RNGTT: variants seen among roughly 807,000 people sequenced by gnomAD.
RNGTT encodes the protein mRNA-capping enzyme.
In RNGTT, 33 loss-of-function variants were observed where a neutral mutation model predicts 79.3. The observed-to-expected ratio is 0.42, with a 90% CI of 0.32 to 0.56. The LOEUF (loss-of-function observed/expected upper bound fraction) is 0.56, where lower values mean the gene tolerates loss of function less well. Among genes scored for constraint, RNGTT ranks in the 20% least tolerant of loss-of-function variants. The pLI is 0.17. For missense variants in RNGTT, 497 were observed against 739.1 expected (o/e 0.67, Z 3.80); for synonymous variants, 222 against 235.9 (o/e 0.94, Z 0.54).
At chr6:88,661,855 C>T (rs1026628316) in intron 14 of RNGTT, among the ~76,000 whole-genome samples, 6 of 152,098 alleles carry the variant, frequency 3.9e-5, no homozygotes, top group Middle Eastern at 3.2e-3. Context: ...CAGGGAAGGA[C>T]ATAACAAAAA....
chr6:88,616,256 A>G (rs533549069), intron 14 of RNGTT, among the ~76,000 whole-genome samples: 1 of 152,326 alleles, frequency 6.6e-6, no homozygotes, highest in Admixed American at 6.5e-5. Context: ...TCATCTGTCA[A>G]TGGACACGTG....
intron 6 of RNGTT, among the ~76,000 whole-genome samples, chr6:88,899,763 G>T (rs1357139053): frequency 2.0e-5 from 3 of 152,110 alleles, no homozygotes; most frequent in African/African-American, 7.2e-5. Context: ...TCCTCTAGAG[G>T]CACTGTTTCA....
chr6:88,652,927 C>T (rs2610706), intron 14 of RNGTT, among the ~76,000 whole-genome samples: 40,656 of 152,034 alleles, frequency 0.27, 9,526 homozygotes, highest in African/African-American at 0.63. Context: ...GATTAGTATT[C>T]GCTGAAGGAA....
In RNGTT at chr6:88,642,049, G is replaced by A. The variant is rs78470621; in HGVS notation, c.1507-27654C>T. 5.0e-3 allele frequency among the ~76,000 whole-genome samples: 760 copies of A among 152,028 alleles called. 2 individuals carry two copies. Among genetic ancestry groups the A allele is most frequent in the African/African-American group, 0.016 (652 of 41,468 alleles). On this transcript the variant is annotated intron_variant, in intron 14 of 15. Coordinates refer to ENST00000369485, the MANE Select transcript of RNGTT (RefSeq NM_003800.5). The stretch of plus-strand genomic sequence containing the variant: ...CATTTGAGAGAGAGAGAGAGAGAGA[G>A]AAAATAGGAATGTAATGTCAGTGAA...
chr6:88,683,104 C>A (rs562623372), intron 13 of RNGTT, among the ~76,000 whole-genome samples: 1 of 151,698 alleles, frequency 6.6e-6, no homozygotes, highest in Non-Finnish European at 1.5e-5. Context: ...TAACTGAAAC[C>A]CAACAAAAAT....
chr6:88,775,281 A>C (rs1778838928), intron 12 of RNGTT, among the ~76,000 whole-genome samples: 1 of 152,208 alleles, frequency 6.6e-6, no homozygotes, highest in South Asian at 2.1e-4. Flanking sequence ...GCAAACTTCC[A>C]GTATATAAAA....
At chr6:88,653,412 C>T (rs1476459890) in intron 14 of RNGTT, among the ~76,000 whole-genome samples, 3 of 151,976 alleles carry the variant, frequency 2.0e-5, no homozygotes, top group Non-Finnish European at 4.4e-5. Context: ...CAAAAGTCAT[C>T]GAAATTTCCA....
intron 10 of RNGTT, among the ~76,000 whole-genome samples, chr6:88,846,620 C>T (rs906487908): frequency 4.6e-5 from 7 of 151,964 alleles, no homozygotes; most frequent in African/African-American, 1.7e-4. Context: ...ATTAGCTGGG[C>T]GTAGTGGCAC....
chr6:88,716,969 A>T (rs149883457), intron 13 of RNGTT, among the ~76,000 whole-genome samples: 2,396 of 152,114 alleles, frequency 0.016, 26 homozygotes, highest in Middle Eastern at 0.031. Context: ...AAGTATAATT[A>T]AAAAAAATGT....
intron 13 of RNGTT, among the ~76,000 whole-genome samples, chr6:88,752,664 A>G (rs1777878218): frequency 6.6e-6 from 1 of 152,142 alleles, no homozygotes; most frequent in South Asian, 2.1e-4. Flanking sequence ...AGGAAGACAA[A>G]TATGTTTTTA....
intron 14 of RNGTT, among the ~76,000 whole-genome samples, chr6:88,646,544 C>A (rs9344834): frequency 6.6e-6 from 1 of 152,162 alleles, no homozygotes; most frequent in African/African-American, 2.4e-5. Flanking sequence ...ACATGCACAC[C>A]TATGTTTATT....
At chr6:88,671,776 A>G (rs1774649495) in intron 14 of RNGTT, among the ~76,000 whole-genome samples, 1 of 152,202 alleles carries the variant, frequency 6.6e-6, no homozygotes, top group Non-Finnish European at 1.5e-5. Context: ...AATGGAACAG[A>G]ACAGAGAACC....
chr6:88,765,248 T>C (rs536636838), intron 13 of RNGTT, among the ~76,000 whole-genome samples: 1 of 152,164 alleles, frequency 6.6e-6, no homozygotes, highest in Non-Finnish European at 1.5e-5. Context: ...TATTTTTTAT[T>C]AGAAGGACAA....
At chr6:88,723,638 A>C (rs1340165743) in intron 13 of RNGTT, among the ~76,000 whole-genome samples, 1 of 152,252 alleles carries the variant, frequency 6.6e-6, no homozygotes, top group Non-Finnish European at 1.5e-5. Context: ...AGCATTAAAA[A>C]TTAAAAATTT....
In RNGTT at chr6:88,850,064, A is replaced by G. The variant is rs1274177816; in HGVS notation, c.1033-238T>C. On this transcript the variant is annotated intron_variant, in intron 9 of 15. Transcript: ENST00000369485. ...CTGACAATATCTCATCATATTTTTC[A>G]TATTTGAATTTCCATGCTACATTTT... is the stretch of plus-strand genomic sequence containing the variant. Among the ~76,000 whole-genome samples, 3 of 151,954 alleles carry G rather than the reference A, an allele frequency of 2.0e-5. No homozygotes were observed. The East Asian group carries it at 5.8e-4, about 29-fold the overall frequency.
chr6:88,715,370 C>T (rs1305352657), intron 13 of RNGTT, among the ~76,000 whole-genome samples: 9 of 151,956 alleles, frequency 5.9e-5, no homozygotes, highest in Admixed American at 1.3e-4. Context: ...GAATCAATAT[C>T]GTGAAAATGG....
chr6:88,694,646 A>T (rs1217888531), intron 13 of RNGTT, among the ~76,000 whole-genome samples: 1 of 152,182 alleles, frequency 6.6e-6, no homozygotes, highest in Non-Finnish European at 1.5e-5. Context: ...GGCAATTTTG[A>T]GCAAAAAGAA....
At chr6:88,747,737 A>G (rs1042628649) in intron 13 of RNGTT, among the ~76,000 whole-genome samples, 3 of 152,220 alleles carry the variant, frequency 2.0e-5, no homozygotes, top group Non-Finnish European at 4.4e-5. Context: ...TCTGTTTTCA[A>G]TCTTATCTAA....
chr6:88,761,657 GTAAA>G (rs1233359065), intron 13 of RNGTT, among the ~76,000 whole-genome samples: 1 of 152,138 alleles, frequency 6.6e-6, no homozygotes, highest in Non-Finnish European at 1.5e-5. Flanking sequence ...ACCTGTTTTT[GTAAA>G]TAAAGTTTCA....
Sources: allele counts gnomAD v4.1 joint callset (sites outside exome capture counted in the v4.1 genomes callset), GRCh38; gene constraint gnomAD v4.1.1; transcripts MANE v1.5; gene names NCBI Gene and HGNC (gene_info 2026-07-23, HGNC 2026-07-21).